Variants in NALCN observed in about 807,000 individuals in gnomAD.
NALCN encodes the protein sodium leak channel NALCN.
A neutral mutation model predicts 225.3 loss-of-function variants in NALCN; 111 were observed. The observed-to-expected ratio is 0.49, with a 90% CI of 0.42 to 0.58. The LOEUF (loss-of-function observed/expected upper bound fraction) is 0.58. Among genes scored for constraint, NALCN ranks in the 20% least tolerant of loss-of-function variants. The probability of loss-of-function intolerance (pLI) is 0.00; values close to 1 mark genes in which losing one functional copy is unlikely to be tolerated. For synonymous variants in NALCN, 764 were observed against 769.0 expected (o/e 0.99, Z 0.11); for missense variants, 1,378 against 2,202.4 (o/e 0.63, Z 7.49).
At chr13:101,273,533 G>C (rs910307181) in intron 10 of NALCN, among the ~76,000 whole-genome samples, 42 of 152,230 alleles carry the variant, frequency 2.8e-4, no homozygotes, top group African/African-American at 9.6e-4. Flanking sequence ...TAATATTTTA[G>C]ATTTGTCTTT....
In NALCN at chr13:101,232,923, C is replaced by T. The variant is rs575313323; in HGVS notation, c.1435-3339G>A. On this transcript the variant is annotated intron_variant, in intron 12 of 43. Coordinates refer to ENST00000251127, the MANE Select transcript of NALCN (RefSeq NM_052867.4). ...CATTTTTATCAGATTTGTCTATTTTCGGACATAAATAATTCAGTACCTAAC... is the reference window on the plus strand; with the variant it reads ...CATTTTTATCAGATTTGTCTATTTTTGGACATAAATAATTCAGTACCTAAC... Among the ~76,000 whole-genome samples, 14 of 152,072 alleles carry T rather than the reference C, an allele frequency of 9.2e-5. No individual in the cohort carries two copies. The South Asian group carries it at 1.9e-3, about 20-fold the overall frequency.
At chr13:101,359,970 T>A (rs991390324) in intron 6 of NALCN, among the ~76,000 whole-genome samples, 4 of 152,152 alleles carry the variant, frequency 2.6e-5, no homozygotes, top group Non-Finnish European at 5.9e-5. Flanking sequence ...CTGAAAAATA[T>A]ACAGAACTCA....
intron 7 of NALCN, among the ~76,000 whole-genome samples, chr13:101,338,881 G>A (rs928286492): frequency 1.3e-5 from 2 of 152,228 alleles, no homozygotes; most frequent in African/African-American, 4.8e-5. Context: ...ATCTGGAGAA[G>A]TGAGTTCAGC....
chr13:101,151,881 A>C (rs952014401), intron 15 of NALCN, among the ~76,000 whole-genome samples: 14 of 152,194 alleles, frequency 9.2e-5, no homozygotes, highest in Admixed American at 7.2e-4. Context: ...AATACAAAGA[A>C]TATCCCTCAC....
intron 20 of NALCN, among the ~76,000 whole-genome samples, chr13:101,109,792 T>C (rs2035334248): frequency 6.6e-6 from 1 of 152,218 alleles, no homozygotes; most frequent in African/African-American, 2.4e-5. Context: ...TCATTTCATT[T>C]GGGTCTCCGG....
chr13:101,190,113 C>G (rs2039623506), intron 14 of NALCN, among the ~76,000 whole-genome samples: 1 of 152,096 alleles, frequency 6.6e-6, no homozygotes, highest in African/African-American at 2.4e-5. Flanking sequence ...TTTCTTCCAG[C>G]TTTCATTTTT....
chr13:101,313,722 A>G (rs1215954995), intron 7 of NALCN, among the ~76,000 whole-genome samples: 3 of 152,160 alleles, frequency 2.0e-5, no homozygotes, highest in Admixed American at 2.0e-4. Context: ...AGGACTATAA[A>G]CTAGTTCAAC....
At chr13:101,340,743 C>T (rs1482456037) in intron 7 of NALCN, among the ~76,000 whole-genome samples, 1 of 152,140 alleles carries the variant, frequency 6.6e-6, no homozygotes, top group Non-Finnish European at 1.5e-5. Flanking sequence ...TCATGTGCCC[C>T]TAATAATTTT....
chr13:101,075,984 A>G, intron 34 of NALCN, 43 bp from the exon 35 acceptor site: 1 of 1,558,406 alleles, frequency 6.4e-7, no homozygotes, highest in Non-Finnish European at 8.8e-7. Flanking sequence ...TTTGCACAAA[A>G]GATCTTGTTA....
chr13:101,376,627 T>C, intron 6 of NALCN, 73 bp downstream of exon 6: 2 of 1,498,840 alleles, frequency 1.3e-6, no homozygotes, highest in Non-Finnish European at 1.8e-6. Flanking sequence ...GACATAGAGG[T>C]TATTCTTATG....
At chr13:101,298,667 G>T (rs747272206) in intron 7 of NALCN, among the ~76,000 whole-genome samples, 1 of 152,220 alleles carries the variant, frequency 6.6e-6, no homozygotes, top group African/African-American at 2.4e-5. Context: ...GTTTAAGAGA[G>T]AACTTGCTGA....
intron 40 of NALCN, among the ~76,000 whole-genome samples, chr13:101,063,790 A>C (rs1428493979): frequency 6.6e-6 from 1 of 151,862 alleles, no homozygotes; most frequent in African/African-American, 2.4e-5. Context: ...CTGAAATTTG[A>C]GACACAACAC....
intron 6 of NALCN, among the ~76,000 whole-genome samples, chr13:101,348,243 A>C (rs2045802402): frequency 6.6e-6 from 1 of 152,198 alleles, no homozygotes; most frequent in South Asian, 2.1e-4. Context: ...GTGAGTTCTG[A>C]CCTACTTATT....
chr13:101,058,658 CTTT>C (rs11353820), intron 42 of NALCN: 6,488 of 138,776 alleles, frequency 0.047, 441 homozygotes, highest in African/African-American at 0.16. Context: ...CTTTAGTATC[CTTT>C]TTTTTTTTTT....
chr13:101,291,105 C>A (rs2043536087), intron 9 of NALCN, among the ~76,000 whole-genome samples: 1 of 152,024 alleles, frequency 6.6e-6, no homozygotes, highest in South Asian at 2.1e-4. Flanking sequence ...TTCTCAGGAG[C>A]CTTATGGTTT....
At chr13:101,401,076 A>G (rs2047465821) in intron 1 of NALCN, among the ~76,000 whole-genome samples, 1 of 152,048 alleles carries the variant, frequency 6.6e-6, no homozygotes, top group Non-Finnish European at 1.5e-5. Flanking sequence ...ATTTCTTTAT[A>G]GAAGTGTGAA....
At chr13:101,326,639 T>C (rs766573333) in intron 7 of NALCN, among the ~76,000 whole-genome samples, 2 of 152,244 alleles carry the variant, frequency 1.3e-5, no homozygotes, top group Non-Finnish European at 2.9e-5. Flanking sequence ...AGTTGCTTAA[T>C]GTCATGACCC....
intron 30 of NALCN, among the ~76,000 whole-genome samples, chr13:101,084,173 A>G (rs1400615796): frequency 6.6e-6 from 1 of 152,202 alleles, no homozygotes; most frequent in African/African-American, 2.4e-5. Flanking sequence ...TAGCTTGTCA[A>G]TGCTGTGGCT....
intron 15 of NALCN, among the ~76,000 whole-genome samples, chr13:101,145,245 T>C (rs1236314825): frequency 6.6e-6 from 1 of 152,198 alleles, no homozygotes; most frequent in Non-Finnish European, 1.5e-5. Flanking sequence ...TAAAATTTGT[T>C]TACACATGCC....
Sources: allele counts gnomAD v4.1 joint callset (sites outside exome capture counted in the v4.1 genomes callset), GRCh38; gene constraint gnomAD v4.1.1; transcripts MANE v1.5; gene names NCBI Gene and HGNC (gene_info 2026-07-23, HGNC 2026-07-21).